Variants in LAMA2 observed in about 807,000 individuals in gnomAD.
LAMA2 encodes laminin subunit alpha-2.
In LAMA2, 269 loss-of-function variants were observed where a neutral mutation model predicts 364.8. The ratio of observed to expected loss-of-function variants is 0.74; its 90% CI spans 0.67 to 0.82. The LOEUF is 0.82. Among genes scored for constraint, LAMA2 ranks in the 40% least tolerant of loss-of-function variants. The pLI, the probability that LAMA2 is intolerant of heterozygous loss-of-function variation, is 0.00. For missense variants in LAMA2, 3,807 were observed against 3,873.2 expected, an observed-to-expected ratio of 0.98 and a Z score of 0.45; for synonymous variants, 1,379 against 1,370.6, an observed-to-expected ratio of 1.01 and a Z score of -0.14.
intron 1 of LAMA2, among the ~76,000 whole-genome samples, chr6:128,973,128 G>A (rs950238272): frequency 6.6e-6 from 1 of 152,156 alleles, no homozygotes; most frequent in Non-Finnish European, 1.5e-5. Flanking sequence ...AACTATTGCT[G>A]TCCTAATAGC....
chr6:129,440,958 C>A lies in LAMA2; in HGVS notation c.6228C>A (p.Val2076=). 1 of 1,613,868 alleles carries A rather than the reference C, an allele frequency of 6.2e-7. No individual in the cohort carries two copies. Among genetic ancestry groups the A allele is most frequent in the Non-Finnish European group, 8.5e-7 (1 of 1,179,816 alleles). ...KKNYNKLADS[V]AKTNAVVKDP... Reference sequence around the variant, plus strand: ...ATTACAATAAACTAGCAGACAGCGTCGCCAAAACGAATGCTGTGGTTAAAG... The same window carrying A: ...ATTACAATAAACTAGCAGACAGCGTAGCCAAAACGAATGCTGTGGTTAAAG... Residue 2076 remains valine, a synonymous_variant, in exon 43 of 65, where the codon GTC becomes GTA. Coordinates refer to ENST00000421865, the MANE Select transcript of LAMA2 (RefSeq NM_000426.4).
chr6:129,329,953 A>G (rs1056239666), intron 29 of LAMA2, among the ~76,000 whole-genome samples: 4 of 152,086 alleles, frequency 2.6e-5, no homozygotes, highest in African/African-American at 9.7e-5. Context: ...GATCAGAGAC[A>G]GCATTAGATT....
At chr6:129,052,737 A>C (rs1788169152) in intron 2 of LAMA2, among the ~76,000 whole-genome samples, 2 of 151,988 alleles carry the variant, frequency 1.3e-5, no homozygotes, top group Non-Finnish European at 2.9e-5. Context: ...TTAGAGTATC[A>C]CGCAAAGTAG....
intron 9 of LAMA2, among the ~76,000 whole-genome samples, chr6:129,168,547 A>G (rs1418040048): frequency 1.3e-5 from 2 of 150,978 alleles, no homozygotes; most frequent in Non-Finnish European, 3.0e-5. Flanking sequence ...TACCAGTACC[A>G]TGCTGTTTTG....
intron 1 of LAMA2, among the ~76,000 whole-genome samples, chr6:128,978,001 T>G (rs1015915977): frequency 6.6e-6 from 1 of 152,226 alleles, no homozygotes; most frequent in African/African-American, 2.4e-5. Context: ...GAGAAATTTT[T>G]TTAAAATGAT....
intron 40 of LAMA2, among the ~76,000 whole-genome samples, chr6:129,423,172 T>C (rs768417657): frequency 3.3e-5 from 5 of 151,960 alleles, no homozygotes; most frequent in Non-Finnish European, 7.4e-5. Flanking sequence ...GTAGGGGAAC[T>C]TCACTACCTG....
Position 129,507,470 on chromosome 6 carries a change from T to C in LAMA2, c.8704-19T>C, listed in dbSNP as rs1786185665. 1 of 1,613,820 alleles carries C rather than the reference T, an allele frequency of 6.2e-7. No individual in the cohort carries two copies. The highest frequency in any genetic ancestry group is 8.5e-7 in the Non-Finnish European group (1 of 1,179,806). On this transcript the variant is annotated intron_variant, in intron 61 of 64. Coordinates refer to ENST00000421865, the MANE Select transcript of LAMA2 (RefSeq NM_000426.4). ...TCTGCTAAAACCTGACATTTGTTTC[T>C]TCTGATCTGAATGTTTAGGTGACCT... is the stretch of plus-strand genomic sequence containing the variant.
At chr6:128,906,576 T>G (rs1291668234) in intron 1 of LAMA2, among the ~76,000 whole-genome samples, 18 of 151,012 alleles carry the variant, frequency 1.2e-4, no homozygotes, top group Admixed American at 7.9e-4. Flanking sequence ...TTTCTCCCAT[T>G]TTGTAGGTTG....
chr6:129,050,139 T>A, intron 2 of LAMA2, 51 bp downstream of exon 2: 1 of 1,565,572 alleles, frequency 6.4e-7, no homozygotes, highest in Non-Finnish European at 8.8e-7. Context: ...TCTATAATTG[T>A]GAGATGTTGA....
chr6:128,905,238 G>A (rs562675116), intron 1 of LAMA2, among the ~76,000 whole-genome samples: 11 of 152,222 alleles, frequency 7.2e-5, no homozygotes, highest in Admixed American at 4.6e-4. Context: ...AATGATGTAC[G>A]TGTTTATTTC....
chr6:129,118,159 A>G (rs1776583191), intron 4 of LAMA2, among the ~76,000 whole-genome samples: 2 of 152,234 alleles, frequency 1.3e-5, no homozygotes, highest in South Asian at 2.1e-4. Context: ...AAAAATGTAC[A>G]CTGAAATAGC....
Position 129,211,365 on chromosome 6 carries a change from A to AC in LAMA2, c.1782+18512_1782+18513insC, listed in dbSNP as rs1783087855. Reference sequence around the variant, plus strand: ...GTAATTTCTTACCTATATTACAGGAAAAAACCATCTAACTCTTTTTCTACC... The same window carrying AC: ...GTAATTTCTTACCTATATTACAGGAACAAAACCATCTAACTCTTTTTCTACC... On this transcript the variant is annotated intron_variant, in intron 12 of 64. Transcript: ENST00000421865. Among the ~76,000 whole-genome samples the AC allele has an allele frequency of 1.2e-4, 19 of 152,268 alleles. No homozygotes were observed. The South Asian group carries it at 3.7e-3, about 30-fold the overall frequency.
At chr6:129,443,178 C>G in intron 44 of LAMA2, 110 bp downstream of exon 44, 1 of 709,536 alleles carries the variant, frequency 1.4e-6, no homozygotes, top group Non-Finnish European at 2.4e-6. Flanking sequence ...TTAAACATTG[C>G]GTAGCTATTC....
At chr6:129,398,975 T>C (rs1779814484) in intron 37 of LAMA2, among the ~76,000 whole-genome samples, 1 of 152,194 alleles carries the variant, frequency 6.6e-6, no homozygotes, top group Admixed American at 6.5e-5. Flanking sequence ...ATGTAATAAA[T>C]GGTATGTTGC....
chr6:129,086,331 C>T (rs1047156327), intron 3 of LAMA2, among the ~76,000 whole-genome samples: 1 of 152,152 alleles, frequency 6.6e-6, no homozygotes, highest in Non-Finnish European at 1.5e-5. Flanking sequence ...TTCAATTGAA[C>T]TTTAAAAATA....
intron 32 of LAMA2, among the ~76,000 whole-genome samples, chr6:129,364,782 G>A (rs1389494178): frequency 3.9e-5 from 6 of 152,072 alleles, no homozygotes; most frequent in Non-Finnish European, 4.4e-5. Flanking sequence ...CCTGAAGCTC[G>A]GCAATTTGTA....
chr6:129,214,104 G>A (rs1321108191), intron 12 of LAMA2, among the ~76,000 whole-genome samples: 1 of 152,132 alleles, frequency 6.6e-6, no homozygotes, highest in Non-Finnish European at 1.5e-5. Flanking sequence ...TGCTATAACA[G>A]AATACCTGAG....
At chr6:129,357,845 A>G (rs2114602856) in intron 32 of LAMA2, among the ~76,000 whole-genome samples, 1 of 152,044 alleles carries the variant, frequency 6.6e-6, no homozygotes, top group East Asian at 1.9e-4. Flanking sequence ...ATTGCCCCCT[A>G]TATATGGGAG....
intron 4 of LAMA2, among the ~76,000 whole-genome samples, chr6:129,115,181 A>G (rs1020976615): frequency 6.6e-6 from 1 of 152,110 alleles, no homozygotes; most frequent in African/African-American, 2.4e-5. Context: ...TAATTACTCA[A>G]GCCAGGAAAT....
Sources: gnomAD v4.1 joint callset for allele counts (sites outside exome capture counted in the v4.1 genomes callset) on GRCh38, gnomAD v4.1.1 for gene constraint, MANE v1.5 for transcripts, NCBI Gene and HGNC (gene_info 2026-07-23, HGNC 2026-07-21) for gene names.